The following KIAA1328 variants were observed in gnomAD, a reference collection of about 807,000 sequenced individuals.
KIAA1328 encodes the protein protein hinderin.
In KIAA1328, 52 loss-of-function variants were observed where a neutral mutation model predicts 68.1. The ratio of observed to expected loss-of-function variants is 0.76; its 90% CI spans 0.61 to 0.96. The LOEUF (loss-of-function observed/expected upper bound fraction) is 0.96, where lower values mean the gene tolerates loss of function less well. Among genes scored for constraint, KIAA1328 ranks in the 40% least tolerant of loss-of-function variants. The pLI is 0.00. For synonymous variants in KIAA1328, 232 were observed against 239.4 expected (o/e 0.97, Z 0.28); for missense variants, 641 against 677.6 (o/e 0.95, Z 0.60).
At chr18:37,185,186 T>C (rs2059772693) in intron 9 of KIAA1328, among the ~76,000 whole-genome samples, 2 of 150,630 alleles carry the variant, frequency 1.3e-5, no homozygotes, top group Admixed American at 1.3e-4. Flanking sequence ...AAAAGAAGTT[T>C]GGGTTTTGTG....
chr18:37,073,331 C>G (rs1055820059), intron 7 of KIAA1328, among the ~76,000 whole-genome samples: 4 of 151,982 alleles, frequency 2.6e-5, no homozygotes, highest in African/African-American at 9.7e-5. Context: ...AAAAACAACC[C>G]CATCAAAAAG....
intron 7 of KIAA1328, among the ~76,000 whole-genome samples, chr18:37,127,934 T>C (rs1036300158): frequency 6.6e-6 from 1 of 152,124 alleles, no homozygotes; most frequent in African/African-American, 2.4e-5. Context: ...TTGATATTTT[T>C]TAAAACAAAA....
intron 4 of KIAA1328, among the ~76,000 whole-genome samples, chr18:36,866,885 A>G (rs1168114311): frequency 6.6e-6 from 1 of 152,236 alleles, no homozygotes. Flanking sequence ...ATATTCAAGT[A>G]TAGCATACTT....
At chr18:37,163,210 A>G (rs988820141) in intron 8 of KIAA1328, among the ~76,000 whole-genome samples, 1 of 152,120 alleles carries the variant, frequency 6.6e-6, no homozygotes, top group Non-Finnish European at 1.5e-5. Context: ...AGCCCTCAAA[A>G]CTGAGGGCAT....
At chr18:37,137,120 G>C (rs1469269031) in intron 7 of KIAA1328, among the ~76,000 whole-genome samples, 2 of 152,150 alleles carry the variant, frequency 1.3e-5, no homozygotes, top group African/African-American at 4.8e-5. Flanking sequence ...CTCAAAATGA[G>C]ATCTGCTCTA....
chr18:36,995,807 A>G (rs1415674624), intron 6 of KIAA1328, among the ~76,000 whole-genome samples: 2 of 152,226 alleles, frequency 1.3e-5, no homozygotes, highest in Non-Finnish European at 2.9e-5. Context: ...TCTAGGGTGT[A>G]GGAAAGTTCT....
At position 36,914,458 on chromosome 18, in the gene KIAA1328, A is replaced by G. The variant is rs1050824573; in HGVS notation, c.448+28786A>G. Among the ~76,000 whole-genome samples, 33 of 152,220 alleles carry G rather than the reference A, an allele frequency of 2.2e-4. 1 individual carries two copies. Among genetic ancestry groups the G allele is most frequent in the African/African-American group, 5.1e-4 (21 of 41,468 alleles). ...GATCCAGGGCCGGGCGTGGTGGCTC[A>G]TGCCTGTAATTCCAGCACTTTGGGA... On this transcript the variant is annotated intron_variant, in intron 5 of 9. Coordinates refer to ENST00000280020, the MANE Select transcript of KIAA1328 (RefSeq NM_020776.3).
chr18:37,017,624 G>GT (rs1346019009), intron 6 of KIAA1328, among the ~76,000 whole-genome samples: 1 of 152,118 alleles, frequency 6.6e-6, no homozygotes. Flanking sequence ...AGAAGTACTT[G>GT]TTTTTGTGAA....
chr18:36,890,592 A>T, intron 5 of KIAA1328, among the ~76,000 whole-genome samples: 1 of 152,058 alleles, frequency 6.6e-6, no homozygotes, highest in East Asian at 1.9e-4. Context: ...AATCGCTTGA[A>T]CCTGGGAGGC....
At chr18:36,993,236 T>C (rs1049223994) in intron 6 of KIAA1328, among the ~76,000 whole-genome samples, 4 of 152,200 alleles carry the variant, frequency 2.6e-5, no homozygotes, top group African/African-American at 9.7e-5. Flanking sequence ...GGAAATTCCA[T>C]TGGCCTCTAC....
intron 5 of KIAA1328, among the ~76,000 whole-genome samples, chr18:36,937,623 CAAAT>C (rs911939381): frequency 3.3e-5 from 5 of 152,016 alleles, no homozygotes; most frequent in African/African-American, 4.8e-5. Flanking sequence ...TTTTAATTGA[CAAAT>C]AATAATTAAG....
At chr18:37,142,620 C>G (rs1159428326) in intron 7 of KIAA1328, among the ~76,000 whole-genome samples, 3 of 151,960 alleles carry the variant, frequency 2.0e-5, no homozygotes, top group Non-Finnish European at 4.4e-5. Flanking sequence ...CACACACACA[C>G]AAACACACAC....
chr18:37,224,520 T>C lies in KIAA1328; in HGVS notation c.*2293T>C. The C allele has an allele frequency of 1.0e-6, 1 of 982,990 alleles. No individual in the cohort carries two copies. The highest frequency in any genetic ancestry group is 1.2e-6 in the Non-Finnish European group (1 of 827,680). The allele number at this position is 982,990 out of a possible 1,614,324, so 60.9% of individuals were successfully genotyped here. A position where few individuals can be genotyped will look rare whatever the true frequency, so the allele number is the denominator to read the frequency against. On this transcript the variant is annotated 3_prime_UTR_variant, in exon 10 of 10. Transcript: ENST00000280020. Reference sequence around the variant, plus strand: ...TGGTGTTGGTGCAAGGGCAATAGGATGTAAATTTGTATATAATCTAATGTC... The same window carrying C: ...TGGTGTTGGTGCAAGGGCAATAGGACGTAAATTTGTATATAATCTAATGTC...
chr18:37,115,501 G>C (rs1433328499), intron 7 of KIAA1328, among the ~76,000 whole-genome samples: 1 of 152,168 alleles, frequency 6.6e-6, no homozygotes, highest in Non-Finnish European at 1.5e-5. Flanking sequence ...GCTAGGTATT[G>C]ATGGGACGTA....
intron 8 of KIAA1328, among the ~76,000 whole-genome samples, chr18:37,160,609 G>C (rs1210207225): frequency 6.6e-6 from 1 of 152,038 alleles, no homozygotes; most frequent in Non-Finnish European, 1.5e-5. Flanking sequence ...CCCTCTTTTT[G>C]CAAGCAATAA....
At chr18:36,876,906 T>C (rs1338731653) in intron 4 of KIAA1328, among the ~76,000 whole-genome samples, 1 of 152,214 alleles carries the variant, frequency 6.6e-6, no homozygotes, top group Non-Finnish European at 1.5e-5. Flanking sequence ...AAATAACTTA[T>C]TTATTTCTGC....
intron 7 of KIAA1328, among the ~76,000 whole-genome samples, chr18:37,098,770 A>C (rs180708287): frequency 2.0e-5 from 3 of 152,164 alleles, no homozygotes; most frequent in East Asian, 1.9e-4. Flanking sequence ...TTTATCTATT[A>C]AGAGATTCAA....
intron 7 of KIAA1328, among the ~76,000 whole-genome samples, chr18:37,089,112 G>A (rs2057191545): frequency 6.6e-6 from 1 of 151,792 alleles, no homozygotes; most frequent in African/African-American, 2.4e-5. Flanking sequence ...AGGTATCCAT[G>A]TTCTATTAAT....
At chr18:37,034,398 T>C (rs1402478949) in intron 6 of KIAA1328, among the ~76,000 whole-genome samples, 1 of 152,178 alleles carries the variant, frequency 6.6e-6, no homozygotes, top group Non-Finnish European at 1.5e-5. Flanking sequence ...AAAGTATTTA[T>C]TTTGAGAGCC....
Sources: gnomAD v4.1 joint callset for allele counts (sites outside exome capture counted in the v4.1 genomes callset) on GRCh38, gnomAD v4.1.1 for gene constraint, MANE v1.5 for transcripts, NCBI Gene and HGNC (gene_info 2026-07-23, HGNC 2026-07-21) for gene names.